Variants in RHBDD2 observed in about 807,000 individuals in gnomAD.
The protein encoded by RHBDD2 is rhomboid domain-containing protein 2.
In RHBDD2, 13 loss-of-function variants were observed where a neutral mutation model predicts 21.7. The observed-to-expected ratio is 0.60, with a 90% confidence interval of 0.39 to 0.95. RHBDD2 has a LOEUF of 0.95. RHBDD2 is among the 40% of genes least tolerant of loss of function. The pLI is 0.00. For synonymous variants in RHBDD2, 225 were observed against 220.0 expected (o/e 1.02, Z -0.20); for missense variants, 473 against 478.9 (o/e 0.99, Z 0.11).
intron 1 of RHBDD2, among the ~76,000 whole-genome samples, chr7:75,879,690 T>G (rs1479956793): frequency 2.0e-5 from 3 of 152,204 alleles, no homozygotes; most frequent in African/African-American, 7.2e-5. Flanking sequence ...TCACGACAAT[T>G]GGACTTTATC....
intron 2 of RHBDD2, chr7:75,883,470 A>T (rs1554543002): frequency 2.8e-6 from 1 of 354,666 alleles, no homozygotes; most frequent in Non-Finnish European, 5.2e-6. Flanking sequence ...GTGAGCCAAG[A>T]TCACACCACT....
At chr7:75,887,841 G>C (rs1805772381) in intron 3 of RHBDD2, 151 bp from the exon 4 acceptor site, 1 of 716,072 alleles carries the variant, frequency 1.4e-6, no homozygotes, top group Non-Finnish European at 2.4e-6. Flanking sequence ...GATTGGTTGA[G>C]GTTAACCTTT....
At chr7:75,883,904 T>G in intron 3 of RHBDD2, 56 bp downstream of exon 3, 1 of 1,479,846 alleles carries the variant, frequency 6.8e-7, no homozygotes, top group Non-Finnish European at 9.1e-7. Context: ...AAAATTATTT[T>G]TTTTTTTTGA....
At position 75,882,223 on chromosome 7, in the gene RHBDD2, C is replaced by A. The variant is rs1425149539; in HGVS notation, c.573C>A (p.Ser191=). The A allele has an allele frequency of 1.9e-6, 3 of 1,611,350 alleles. No homozygotes were observed. In the East Asian group the frequency reaches 6.7e-5, roughly 36 times the overall value. ...TCCTCAGTAATGTCTGCGGGCTGTCCATCGGGCTGGCCTGTATCCTTCCTA... is the reference window on the plus strand; with the variant it reads ...TCCTCAGTAATGTCTGCGGGCTGTCAATCGGGCTGGCCTGTATCCTTCCTA... ...TSFLSNVCGL[S]IGLAYGLTYC... is the part of the protein sequence containing the mutation. Residue 191 remains serine, a synonymous_variant, in exon 2 of 4, where the codon TCC becomes TCA. Transcript: ENST00000006777.
chr7:75,881,499 G>A (rs1805320769), intron 1 of RHBDD2: 3 of 1,308,544 alleles, frequency 2.3e-6, no homozygotes, highest in East Asian at 9.9e-5. Context: ...AGGTCAGTAT[G>A]AAAACCTGAA....
intron 3 of RHBDD2, among the ~76,000 whole-genome samples, chr7:75,887,614 A>G (rs1805757503): frequency 6.6e-6 from 1 of 151,916 alleles, no homozygotes; most frequent in Non-Finnish European, 1.5e-5. Flanking sequence ...GTGAGCCACC[A>G]TGCCCAGCCT....
Position 75,881,819 on chromosome 7 carries a change from C to T in RHBDD2, c.179-10C>T, listed in dbSNP as rs782507703. On this transcript the variant is annotated splice_polypyrimidine_tract_variant and intron_variant, in intron 1 of 3. Coordinates refer to ENST00000006777, the MANE Select transcript of RHBDD2 (RefSeq NM_001040456.3). ...CCGCCGCCAGGCCTCTAACCCGACT[C>T]CCTCTGCAGTTTACAGGCTGGTAAC... The T allele has an allele frequency of 6.3e-7, 1 of 1,587,566 alleles. No individual in the cohort carries two copies. The highest frequency in any genetic ancestry group is 8.6e-7 in the Non-Finnish European group (1 of 1,163,944).
In RHBDD2 at chr7:75,888,362, G is replaced by A; in HGVS notation, c.*13G>A. 6.3e-7 allele frequency: 1 copy of A among 1,596,714 alleles called. No individual in the cohort carries two copies. The highest frequency in any genetic ancestry group is 1.1e-5 in the South Asian group (1 of 90,684). On this transcript the variant is annotated 3_prime_UTR_variant, in exon 4 of 4. Coordinates refer to ENST00000006777, the MANE Select transcript of RHBDD2 (RefSeq NM_001040456.3). Reference sequence around the variant, plus strand: ...CCCCATGCCCTGAGAGAATTTCTAGGGAAGTCATCTCACTTGGCCTTCTGA... The same window carrying A: ...CCCCATGCCCTGAGAGAATTTCTAGAGAAGTCATCTCACTTGGCCTTCTGA...
chr7:75,879,389 C>T, intron 1 of RHBDD2, 129 bp downstream of exon 1: 1 of 884,312 alleles, frequency 1.1e-6, no homozygotes, highest in African/African-American at 1.8e-5. Flanking sequence ...CGGTCCTCAT[C>T]ACCATGCCCG....
At chr7:75,887,544 G>A (rs997976610) in intron 3 of RHBDD2, among the ~76,000 whole-genome samples, 14 of 151,474 alleles carry the variant, frequency 9.2e-5, no homozygotes, top group Non-Finnish European at 8.8e-5. Flanking sequence ...GGCTAGTCTC[G>A]AACTCCTGAC....
chr7:75,879,219 C>G lies in RHBDD2; in HGVS notation c.137C>G (p.Ser46Trp). The G allele has an allele frequency of 6.6e-7, 1 of 1,521,870 alleles. No individual in the cohort carries two copies. The highest frequency in any genetic ancestry group is 1.2e-5 in the South Asian group (1 of 82,490). The allele number at this position is 1,521,870 out of a possible 1,614,324, so 94.3% of individuals were successfully genotyped here. A position where few individuals can be genotyped will look rare whatever the true frequency, so the allele number is the denominator to read the frequency against. ...CTGCTGCAGCAGCCCCTGGCGCCCT[C>G]GGGCCTCACGCTGAAGTCCGAGGCC... is the stretch of plus-strand genomic sequence containing the variant. ...LFLLQQPLAP[S>W]GLTLKSEALR... The change falls in exon 1 of 4, where the codon TCG (serine) becomes TGG (tryptophan). Residue 46 changes from serine to tryptophan, a missense_variant. Transcript: ENST00000006777.
Position 75,883,059 on chromosome 7 carries a change from C to T in RHBDD2, c.587-639C>T, listed in dbSNP as rs143674520. Among the ~76,000 whole-genome samples, 592 of 152,272 alleles carry T rather than the reference C, an allele frequency of 3.9e-3. 5 individuals carry two copies. The highest frequency in any genetic ancestry group is 6.0e-3 in the Non-Finnish European group (406 of 68,008). On this transcript the variant is annotated intron_variant, in intron 2 of 3. Transcript: ENST00000006777. ...TCCCTCAGGATGATACTGGTACAGC[C>T]TCCTGCCTTATCCTGCTACACCAGC... is the stretch of plus-strand genomic sequence containing the variant.
intron 1 of RHBDD2, 45 bp from the exon 2 acceptor site, chr7:75,881,783 CT>C: frequency 6.5e-7 from 1 of 1,543,408 alleles, no homozygotes; most frequent in Admixed American, 1.9e-5. Context: ...GGCTTCCCTC[CT>C]GGGAGCAACC....
At chr7:75,886,445 T>C (rs1231788782) in intron 3 of RHBDD2, among the ~76,000 whole-genome samples, 1 of 152,104 alleles carries the variant, frequency 6.6e-6, no homozygotes, top group Non-Finnish European at 1.5e-5. Context: ...CCCTCTGTAA[T>C]AGCTGATGGT....
At chr7:75,879,861 G>A (rs560122397) in intron 1 of RHBDD2, among the ~76,000 whole-genome samples, 2 of 152,192 alleles carry the variant, frequency 1.3e-5, no homozygotes, top group Non-Finnish European at 2.9e-5. Context: ...CTCTAGGGGA[G>A]AGAAATTTTG....
intron 1 of RHBDD2, among the ~76,000 whole-genome samples, chr7:75,880,021 T>C (rs1805225582): frequency 6.6e-6 from 1 of 152,170 alleles, no homozygotes; most frequent in South Asian, 2.1e-4. Flanking sequence ...CGTTTAACCC[T>C]CACAAGGATC....
In RHBDD2 at chr7:75,883,686, C is replaced by T. The variant is rs781980386; in HGVS notation, c.587-12C>T. The T allele has an allele frequency of 8.1e-6, 13 of 1,611,150 alleles. No homozygotes were observed. The highest frequency in any genetic ancestry group is 1.7e-5 in the Admixed American group (1 of 59,536). The stretch of plus-strand genomic sequence containing the variant: ...TTGCTGCCTCCAGTTTCACTTAACA[C>T]GCCAACCTCAGATGGCCTCACCTAC... On this transcript the variant is annotated splice_polypyrimidine_tract_variant and intron_variant, in intron 2 of 3. Transcript: ENST00000006777.
In RHBDD2 at chr7:75,882,062, G is replaced by A; in HGVS notation, c.412G>A (p.Val138Met). ...GGAGGATGCCAGAGGTTTCACCCCA[G>A]TGGCCTTTGCCATGCTGGGAGTCAC... ...EVEDARGFTP[V>M]AFAMLGVTTV... The change falls in exon 2 of 4, where the codon GTG (valine) becomes ATG (methionine). Residue 138 changes from valine to methionine, a missense_variant. Val to Met is a conservative substitution (Grantham distance 21). Transcript: ENST00000006777. 2 of 1,614,204 alleles carry A rather than the reference G, an allele frequency of 1.2e-6. No individual in the cohort carries two copies. Among genetic ancestry groups the A allele is most frequent in the African/African-American group, 1.3e-5 (1 of 75,046 alleles).
intron 1 of RHBDD2, 118 bp downstream of exon 1, chr7:75,879,378 T>C: frequency 1.0e-6 from 1 of 971,632 alleles, no homozygotes; most frequent in Non-Finnish European, 1.4e-6. Context: ...TCCCCCTGTC[T>C]CGGTCCTCAT....
Sources: allele counts gnomAD v4.1 joint callset (sites outside exome capture counted in the v4.1 genomes callset), GRCh38; gene constraint gnomAD v4.1.1; transcripts MANE v1.5; gene names NCBI Gene and HGNC (gene_info 2026-07-23, HGNC 2026-07-21).